Variants in TDRD6 observed in about 807,000 individuals in gnomAD.
TDRD6 encodes tudor domain containing 6.
TDRD6 carries 186 observed loss-of-function variants against 157.5 expected under a neutral mutation model. The observed-to-expected ratio is 1.18, with a 90% CI of 1.05 to 1.33. TDRD6 has a LOEUF of 1.33. Ranked by LOEUF, TDRD6 falls within the 40% of genes most tolerant of loss-of-function variation. TDRD6 has a pLI of 0.00. For synonymous variants in TDRD6, 1,075 were observed against 945.2 expected (o/e 1.14, Z -2.52); for missense variants, 3,066 against 2,508.0 (o/e 1.22, Z -4.75).
chr6:46,687,773 T>C (rs1764140453), upstream of TDRD6: 1 of 229,002 alleles, frequency 4.4e-6, no homozygotes. Flanking sequence ...CGGGGTCTCC[T>C]GAACGTCCCA....
intron 2 of TDRD6, among the ~76,000 whole-genome samples, chr6:46,697,717 T>C (rs1198479418): frequency 1.3e-5 from 2 of 152,174 alleles, no homozygotes; most frequent in Non-Finnish European, 2.9e-5. Flanking sequence ...TGAAACCCTG[T>C]CTTTATCCAA....
At position 46,694,099 on chromosome 6, in the gene TDRD6, T is replaced by C; in HGVS notation, c.5971T>C (p.Leu1991=). 6.2e-7 allele frequency: 1 copy of C among 1,608,754 alleles called. No homozygotes were observed. Among genetic ancestry groups the C allele is most frequent in the Non-Finnish European group, 8.5e-7 (1 of 1,177,482 alleles). Residue 1991 remains leucine (L), a synonymous_variant, in exon 1 of 4, where the codon TTG becomes CTG. Coordinates refer to ENST00000316081, the MANE Select transcript of TDRD6 (RefSeq NM_001010870.3). The part of the protein sequence containing the change: ...EYKNRDAISA[L]MPLFSEEESS... ...TAAAAACAGGGATGCCATTTCGGCA[T>C]TGATGCCTTTGTTCTCTGAGGAAGA...
chr6:46,689,008 G>A lies in TDRD6; in HGVS notation c.880G>A (p.Gly294Arg). Residue 294 changes from glycine to arginine, a missense_variant, in exon 1 of 4, where the codon GGG becomes AGG. Transcript: ENST00000316081. ...AQVYRGSTGT[G>R]DENSTSATWE... ...GGTATACCGGGGTTCCACGGGGACA[G>A]GGGATGAGAACTCTACCAGTGCCAC... The A allele has an allele frequency of 6.2e-7, 1 of 1,613,830 alleles. No homozygotes were observed. Among genetic ancestry groups the A allele is most frequent in the Non-Finnish European group, 8.5e-7 (1 of 1,179,796 alleles).
Position 46,688,145 on chromosome 6 carries a change from G to A in TDRD6, c.17G>A (p.Gly6Glu). The change falls in exon 1 of 4, where the codon GGA becomes GAA. Residue 6 changes from glycine (G) to glutamate (E), a missense_variant. Physicochemically the swap from Gly to Glu is moderately conservative, Grantham distance 98. Transcript: ENST00000316081. MCSTPGMPAPGASLAL... is the reference protein window; with the variant it reads MCSTPEMPAPGASLAL... The stretch of plus-strand genomic sequence containing the variant: ...GCCGTCAAGATGTGCTCGACGCCCG[G>A]AATGCCGGCGCCGGGGGCCTCGCTG... The A allele has an allele frequency of 1.3e-6, 2 of 1,541,744 alleles. No homozygotes were observed. The highest frequency in any genetic ancestry group is 1.7e-6 in the Non-Finnish European group (2 of 1,150,790).
rs1180496323 is a variant in TDRD6, at chr6:46,688,543, T to C, written c.415T>C (p.Cys139Arg). 2 of 1,576,934 alleles carry C rather than the reference T, an allele frequency of 1.3e-6. No homozygotes were observed. The highest frequency in any genetic ancestry group is 1.1e-5 in the South Asian group (1 of 88,974). Residue 139 changes from cysteine (C) to arginine (R), a missense_variant, in exon 1 of 4, where the codon TGC becomes CGC. By Grantham distance (180) the Cys-to-Arg change is radical (BLOSUM62 -3). Coordinates refer to ENST00000316081, the MANE Select transcript of TDRD6 (RefSeq NM_001010870.3). ...CVLAGLVPAGCGAGSGEPPQH... is the reference protein window; with the variant it reads ...CVLAGLVPAGRGAGSGEPPQH... The stretch of plus-strand genomic sequence containing the variant: ...GCTAGCGGGCCTGGTGCCGGCAGGC[T>C]GCGGCGCGGGCTCAGGCGAGCCGCC...
rs747238748 is a variant in TDRD6 at position 46,689,739 on chromosome 6, T to C, written c.1611T>C (p.Pro537=). 6.2e-6 allele frequency: 10 copies of C among 1,614,036 alleles called. No homozygotes were observed. The highest frequency in any genetic ancestry group is 1.6e-4 in the Middle Eastern group (1 of 6,084). ...ASKLDGVVLK[P]EPDDLCCVKW... ...AGCTGGATGGTGTAGTTTTGAAACC[T>C]GAACCTGATGACCTTTGCTGTGTCA... The change falls in exon 1 of 4, where the codon CCT becomes CCC. Residue 537 remains proline, a synonymous_variant. Transcript: ENST00000316081.
In TDRD6 at chr6:46,704,001, C is replaced by T. The variant is rs2150687761; in HGVS notation, c.*2114C>T. 1 of 154,968 alleles carries T rather than the reference C, an allele frequency of 6.5e-6. No homozygotes were observed. Among genetic ancestry groups the T allele is most frequent in the Non-Finnish European group, 1.4e-5 (1 of 69,828 alleles). 9.6% of individuals were successfully genotyped at this position (154,968 alleles called of 1,614,324 possible). A position where few individuals can be genotyped will look rare whatever the true frequency, so the allele number is the denominator to read the frequency against. ...AGTCATCATTTGAAATTGTGTAGTA[C>T]CACCAATCCTGTGCTGAAACAATGG... is the stretch of plus-strand genomic sequence containing the variant. On this transcript the variant is annotated 3_prime_UTR_variant, in exon 4 of 4. Coordinates refer to ENST00000316081, the MANE Select transcript of TDRD6 (RefSeq NM_001010870.3).
Position 46,693,803 on chromosome 6 carries a change from C to T in TDRD6, c.5675C>T (p.Thr1892Ile). The change falls in exon 1 of 4, where the codon ACA (threonine) becomes ATA (isoleucine). Residue 1892 changes from threonine (T) to isoleucine (I), a missense_variant. Thr to Ile is a moderately conservative substitution (Grantham distance 89, BLOSUM62 -1). Coordinates refer to ENST00000316081, the MANE Select transcript of TDRD6 (RefSeq NM_001010870.3). The part of the protein sequence containing the change: ...CVTKGAMELF[T>I]LQLPLSCEAE... ...ACAAAAGGCGCCATGGAGCTATTTA[C>T]ACTGCAGCTTCCTCTCAGCTGTGAA... The T allele has an allele frequency of 2.5e-6, 4 of 1,614,204 alleles. No individual in the cohort carries two copies. Among genetic ancestry groups the T allele is most frequent in the Non-Finnish European group, 3.4e-6 (4 of 1,180,044 alleles).
At chr6:46,700,053 T>A (rs1764583415) in intron 3 of TDRD6, among the ~76,000 whole-genome samples, 1 of 152,210 alleles carries the variant, frequency 6.6e-6, no homozygotes, top group Non-Finnish European at 1.5e-5. Flanking sequence ...CCTACTACAC[T>A]TTTTGCATCA....
In TDRD6 at chr6:46,691,957, T is replaced by C. The variant is rs367782320; in HGVS notation, c.3829T>C (p.Ser1277Pro). ...AACAGCAAGAGTAGAAGCTACTCTT[T>C]CAGAGAGAAAAATAGGAGATTCATG... ...LKTARVEATLSERKIGDSCDK... is the reference protein window; with the variant it reads ...LKTARVEATLPERKIGDSCDK... Residue 1277 changes from serine to proline, a missense_variant, in exon 1 of 4, where the codon TCA becomes CCA. Physicochemically the swap from Ser to Pro is moderately conservative, Grantham distance 74. Transcript: ENST00000316081. The C allele has an allele frequency of 6.2e-7, 1 of 1,613,026 alleles. No homozygotes were observed. The highest frequency in any genetic ancestry group is 1.7e-5 in the Admixed American group (1 of 59,790).
At chr6:46,695,367 G>C (rs1185429619) in intron 1 of TDRD6, among the ~76,000 whole-genome samples, 1 of 151,960 alleles carries the variant, frequency 6.6e-6, no homozygotes, top group African/African-American at 2.4e-5. Flanking sequence ...GCCATCCTAT[G>C]GGTAACACAT....
rs369124411 is a variant in TDRD6 at position 46,689,095 on chromosome 6, G to T, written c.967G>T (p.Asp323Tyr). 9 of 1,614,082 alleles carry T rather than the reference G, an allele frequency of 5.6e-6. No individual in the cohort carries two copies. Among genetic ancestry groups the T allele is most frequent in the East Asian group, 2.2e-5 (1 of 44,880 alleles). The change falls in exon 1 of 4, where the codon GAT becomes TAT. Residue 323 changes from aspartate (D) to tyrosine (Y), a missense_variant. Transcript: ENST00000316081. Reference sequence around the variant, plus strand: ...CTCTCCGTGTGCATCCTGTGGCCTGGATGGACATTGGTACAGAGCACTGTT... The same window carrying T: ...CTCTCCGTGTGCATCCTGTGGCCTGTATGGACATTGGTACAGAGCACTGTT... The part of the protein sequence containing the change: ...PGSPCASCGL[D>Y]GHWYRALLLE...
Position 46,690,039 on chromosome 6 carries a change from G to A in TDRD6, c.1911G>A (p.Gln637=). ...TAGTCATCCATATTCTTGATAAACAGGATCATCAATATGTTATTGAGATTC... is the reference window on the plus strand; with the variant it reads ...TAGTCATCCATATTCTTGATAAACAAGATCATCAATATGTTATTGAGATTC... ...KELVIHILDK[Q]DHQYVIEILD... Residue 637 remains glutamine (Q), a synonymous_variant, in exon 1 of 4, where the codon CAG becomes CAA. Transcript: ENST00000316081. The A allele has an allele frequency of 2.5e-6, 4 of 1,613,908 alleles. No homozygotes were observed. In the South Asian group the frequency reaches 3.3e-5, roughly 13 times the overall value.
chr6:46,685,772 T>TAATA (rs1554176160), upstream of TDRD6, among the ~76,000 whole-genome samples: 4 of 149,954 alleles, frequency 2.7e-5, no homozygotes, highest in Admixed American at 2.7e-4. Context: ...ACAATAATAA[T>TAATA]AAAAAAAAAA....
Position 46,688,105 on chromosome 6 carries a change from T to C in TDRD6, c.-24T>C. The C allele has an allele frequency of 6.9e-7, 1 of 1,447,890 alleles. No homozygotes were observed. The highest frequency in any genetic ancestry group is 1.4e-5 in the South Asian group (1 of 73,458). 89.7% of individuals were successfully genotyped at this position (1,447,890 alleles called of 1,614,324 possible). A position where few individuals can be genotyped will look rare whatever the true frequency, so the allele number is the denominator to read the frequency against. ...AGGCGCGGCCCTTAATTTCCGGAAG[T>C]GGGGGCCGCGCCGCGCCGTCAAGAT... On this transcript the variant is annotated 5_prime_UTR_variant, in exon 1 of 4. Transcript: ENST00000316081.
In TDRD6 at chr6:46,689,041, G is replaced by C; in HGVS notation, c.913G>C (p.Glu305Gln). ...DENSTSATWE[E>Q]REESPDKPGS... ...GAACTCTACCAGTGCCACCTGGGAG[G>C]AGAGGGAGGAGAGCCCAGATAAGCC... Residue 305 changes from glutamate (E) to glutamine (Q), a missense_variant, in exon 1 of 4, where the codon GAG (glutamate) becomes CAG (glutamine). By Grantham distance (29) the Glu-to-Gln change is conservative. Coordinates refer to ENST00000316081, the MANE Select transcript of TDRD6 (RefSeq NM_001010870.3). 14 of 1,613,934 alleles carry C rather than the reference G, an allele frequency of 8.7e-6. No homozygotes were observed. The highest frequency in any genetic ancestry group is 1.2e-5 in the Non-Finnish European group (14 of 1,179,838).
At position 46,690,969 on chromosome 6, in the gene TDRD6, A is replaced by T; in HGVS notation, c.2841A>T (p.Ala947=). 1 of 1,614,158 alleles carries T rather than the reference A, an allele frequency of 6.2e-7. No homozygotes were observed. Among genetic ancestry groups the T allele is most frequent in the Non-Finnish European group, 8.5e-7 (1 of 1,179,992 alleles). The change falls in exon 1 of 4, where the codon GCA becomes GCT. Residue 947 remains alanine, a synonymous_variant. Coordinates refer to ENST00000316081, the MANE Select transcript of TDRD6 (RefSeq NM_001010870.3). ...IVDLLTPFQS[A]CHFLVEKRLA... is the part of the protein sequence containing the mutation. ...ATTTGCTAACCCCCTTTCAGAGTGCATGCCATTTCTTGGTAGAAAAGAGAC... is the reference window on the plus strand; with the variant it reads ...ATTTGCTAACCCCCTTTCAGAGTGCTTGCCATTTCTTGGTAGAAAAGAGAC...
rs763386309 is a variant in TDRD6, at chr6:46,692,210, C to A, written c.4082C>A (p.Ala1361Asp). ...PPLQRGDMIC[A>D]VFPEDNLWYR... ...TTGCAAAGAGGAGATATGATATGTG[C>A]TGTTTTCCCAGAAGATAATTTATGG... The change falls in exon 1 of 4, where the codon GCT becomes GAT. Residue 1361 changes from alanine to aspartate, a missense_variant. By Grantham distance (126) the Ala-to-Asp change is moderately radical. Coordinates refer to ENST00000316081, the MANE Select transcript of TDRD6 (RefSeq NM_001010870.3). 6.2e-7 allele frequency: 1 copy of A among 1,614,106 alleles called. No individual in the cohort carries two copies. The highest frequency in any genetic ancestry group is 1.1e-5 in the South Asian group (1 of 91,076).
intron 3 of TDRD6, 48 bp from the exon 4 acceptor site, chr6:46,701,810 G>T: frequency 1.2e-6 from 2 of 1,602,712 alleles, no homozygotes; most frequent in Non-Finnish European, 1.7e-6. Context: ...AAATTTTTTT[G>T]TTTGTATGTT....
Sources: allele counts gnomAD v4.1 joint callset (sites outside exome capture counted in the v4.1 genomes callset), GRCh38; gene constraint gnomAD v4.1.1; transcripts MANE v1.5; gene names NCBI Gene and HGNC (gene_info 2026-07-23, HGNC 2026-07-21).